Variants in PPIB observed in about 807,000 individuals in gnomAD.
PPIB encodes peptidylprolyl isomerase B.
A neutral mutation model predicts 20.1 loss-of-function variants in PPIB; 15 were observed. The observed-to-expected ratio is 0.75, with a 90% confidence interval of 0.50 to 1.15. PPIB has a LOEUF of 1.15. Ranked by LOEUF, PPIB falls within the 50% of genes most tolerant of loss-of-function variation. The probability of loss-of-function intolerance (pLI) is 0.00; values close to 1 mark genes in which losing one functional copy is unlikely to be tolerated. For missense variants in PPIB, 278 were observed against 283.0 expected, an observed-to-expected ratio of 0.98 and a Z score of 0.13; for synonymous variants, 129 against 111.0, an observed-to-expected ratio of 1.16 and a Z score of -1.02.
Position 64,156,194 on chromosome 15 carries a change from A to G in PPIB, c.529-49T>C, listed in dbSNP as rs1196816908. On this transcript the variant is annotated intron_variant, in intron 4 of 4. Coordinates refer to ENST00000300026, the MANE Select transcript of PPIB (RefSeq NM_000942.5). This position sits in a 1 kb window ranked among gnomAD's most constrained non-coding sequence, Gnocchi z 6.4. Reference sequence around the variant, plus strand: ...GAGGGCATGGTGGATCAGGAGGTCCACCGCTCAGGAGAAAGGCCCCAGCGT... The same window carrying G: ...GAGGGCATGGTGGATCAGGAGGTCCGCCGCTCAGGAGAAAGGCCCCAGCGT... The G allele has an allele frequency of 6.2e-7, 1 of 1,611,006 alleles. No homozygotes were observed. The highest frequency in any genetic ancestry group is 1.7e-5 in the Admixed American group (1 of 59,788).
intron 1 of PPIB, among the ~76,000 whole-genome samples, 160 bp downstream of exon 1, chr15:64,162,692 C>T (rs1464139305): frequency 7.0e-6 from 1 of 143,880 alleles, no homozygotes; most frequent in Non-Finnish European, 1.5e-5. Flanking sequence ...CTGGGGGTGT[C>T]GGGGTGGGTC....
rs998887449 is a variant in PPIB, at chr15:64,158,281, T to C, written c.344-1372A>G. 6.6e-6 allele frequency among the ~76,000 whole-genome samples: 1 copy of C among 152,122 alleles called. No individual in the cohort carries two copies. Among genetic ancestry groups the C allele is most frequent in the Non-Finnish European group, 1.5e-5 (1 of 68,014 alleles). Reference sequence around the variant, plus strand: ...AGTAGGCGAGTGCTTAGGGTGCTCATAGTGTGAGCCAGAGACTGTTCCAAG... The same window carrying C: ...AGTAGGCGAGTGCTTAGGGTGCTCACAGTGTGAGCCAGAGACTGTTCCAAG... On this transcript the variant is annotated intron_variant, in intron 3 of 4. Coordinates refer to ENST00000300026, the MANE Select transcript of PPIB (RefSeq NM_000942.5). This position sits in a 1 kb window ranked among gnomAD's most constrained non-coding sequence, Gnocchi z 4.7.
At position 64,161,910 on chromosome 15, in the gene PPIB, A is replaced by G; in HGVS notation, c.249+131T>C. ...TAAGAAAGGGCAATACTGTGTTCCCAGGGCAACAGGCAGTCGGTGCTCAGT... is the reference window on the plus strand; with the variant it reads ...TAAGAAAGGGCAATACTGTGTTCCCGGGGCAACAGGCAGTCGGTGCTCAGT... On this transcript the variant is annotated intron_variant, in intron 2 of 4. Transcript: ENST00000300026. The surrounding 1 kb of genome is among the most constrained non-coding windows in gnomAD (Gnocchi z 4.2). 1.3e-6 allele frequency: 1 copy of G among 778,018 alleles called. No individual in the cohort carries two copies. The highest frequency in any genetic ancestry group is 2.3e-6 in the Non-Finnish European group (1 of 426,246). 48.2% of individuals were successfully genotyped at this position (778,018 alleles called of 1,614,324 possible).
rs565513695 is a variant in PPIB, at chr15:64,161,817, C to T, written c.249+224G>A. On this transcript the variant is annotated intron_variant, in intron 2 of 4. Transcript: ENST00000300026. This position sits in a 1 kb window ranked among gnomAD's most constrained non-coding sequence, Gnocchi z 4.2. The stretch of plus-strand genomic sequence containing the variant: ...CTCCTGGGCTCAAGCAATCCTCCTA[C>T]TTTGGCCTCCAAAAGTGCTGGGATT... Among the ~76,000 whole-genome samples, 3 of 152,142 alleles carry T rather than the reference C, an allele frequency of 2.0e-5. No individual in the cohort carries two copies. The highest frequency in any genetic ancestry group is 7.2e-5 in the African/African-American group (3 of 41,428).
rs1407315040 is a variant in PPIB at position 64,158,991 on chromosome 15, A to C, written c.343+1113T>G. Reference sequence around the variant, plus strand: ...CTCACTGTACAGAACAGGAAACTGAAGCTCCAAGGACTCACTTGCCTGAGG... The same window carrying C: ...CTCACTGTACAGAACAGGAAACTGACGCTCCAAGGACTCACTTGCCTGAGG... On this transcript the variant is annotated intron_variant, in intron 3 of 4. Coordinates refer to ENST00000300026, the MANE Select transcript of PPIB (RefSeq NM_000942.5). This position sits in a 1 kb window ranked among gnomAD's most constrained non-coding sequence, Gnocchi z 4.7. Among the ~76,000 whole-genome samples the C allele has an allele frequency of 6.6e-6, 1 of 152,190 alleles. No homozygotes were observed. The highest frequency in any genetic ancestry group is 2.4e-5 in the African/African-American group (1 of 41,442).
At chr15:64,162,604 A>C (rs1300923480) in intron 1 of PPIB, among the ~76,000 whole-genome samples, 1 of 152,184 alleles carries the variant, frequency 6.6e-6, no homozygotes, top group Admixed American at 6.5e-5. Context: ...GTTTGCAAAA[A>C]GCCTGCTCTG....
rs898742897 is a variant in PPIB at position 64,157,924 on chromosome 15, C to A, written c.344-1015G>T. Among the ~76,000 whole-genome samples the A allele has an allele frequency of 1.3e-5, 2 of 152,142 alleles. No individual in the cohort carries two copies. Among genetic ancestry groups the A allele is most frequent in the Non-Finnish European group, 2.9e-5 (2 of 68,024 alleles). ...GCCTGTGCTCCACCTCTCACCCCCA[C>A]GCTGGGGAGACTGGACTCTGCCACA... On this transcript the variant is annotated intron_variant, in intron 3 of 4. Coordinates refer to ENST00000300026, the MANE Select transcript of PPIB (RefSeq NM_000942.5). The surrounding 1 kb of genome is among the most constrained non-coding windows in gnomAD (Gnocchi z 4.2).
In PPIB at chr15:64,158,123, A is replaced by AACAT. The variant is rs1179353512; in HGVS notation, c.344-1218_344-1215dup. 1.3e-5 allele frequency among the ~76,000 whole-genome samples: 2 copies of AACAT among 152,166 alleles called. No individual in the cohort carries two copies. The highest frequency in any genetic ancestry group is 2.9e-5 in the Non-Finnish European group (2 of 68,028). On this transcript the variant is annotated intron_variant, in intron 3 of 4. Transcript: ENST00000300026. The surrounding 1 kb of genome is among the most constrained non-coding windows in gnomAD (Gnocchi z 4.7). ...CAAATGGACATTTCTATTTAAACTC[A>AACAT]ACATACCTTGTCATCTTTCTCTCCA...
intron 1 of PPIB, 32 bp downstream of exon 1, chr15:64,162,820 C>A: frequency 6.2e-7 from 1 of 1,603,992 alleles, no homozygotes; most frequent in Non-Finnish European, 8.5e-7. Context: ...GCCCGAGCTC[C>A]GGCACCGTAA....
rs984369307 is a variant in PPIB, at chr15:64,161,679, C to T, written c.249+362G>A. 6.6e-6 allele frequency among the ~76,000 whole-genome samples: 1 copy of T among 151,532 alleles called. No homozygotes were observed. The highest frequency in any genetic ancestry group is 2.4e-5 in the African/African-American group (1 of 41,200). ...GGCGGAGGTTGCAGTGAGCTGAGGC[C>T]GCACCACTGCACTCCAGCCCAGGCG... On this transcript the variant is annotated intron_variant, in intron 2 of 4. Coordinates refer to ENST00000300026, the MANE Select transcript of PPIB (RefSeq NM_000942.5). This position sits in a 1 kb window ranked among gnomAD's most constrained non-coding sequence, Gnocchi z 4.2.
chr15:64,162,827 G>A (rs372892802), intron 1 of PPIB, 25 bp downstream of exon 1: 117 of 1,605,888 alleles, frequency 7.3e-5, no homozygotes, highest in Non-Finnish European at 9.4e-5. Flanking sequence ...CTCCGGCACC[G>A]TAAATGCCGC....
In PPIB at chr15:64,162,096, A is replaced by C; in HGVS notation, c.194T>G (p.Phe65Cys). Reference protein sequence around the residue: ...EDVGRVIFGLFGKTVPKTVDN... With the variant: ...EDVGRVIFGLCGKTVPKTVDN... The stretch of plus-strand genomic sequence containing the variant: ...CACTGTTTTTGGAACAGTCTTTCCG[A>C]AGAGACCAAAGATCACCCGGCCTAC... Residue 65 changes from phenylalanine to cysteine, a missense_variant, in exon 2 of 5, where the codon TTC becomes TGC. Phe to Cys is a radical substitution (Grantham distance 205). Coordinates refer to ENST00000300026, the MANE Select transcript of PPIB (RefSeq NM_000942.5). The C allele has an allele frequency of 6.2e-7, 1 of 1,614,174 alleles. No homozygotes were observed. Among genetic ancestry groups the C allele is most frequent in the East Asian group, 2.2e-5 (1 of 44,886 alleles).
In PPIB at chr15:64,155,820, T is replaced by TA. The variant is rs5813282; in HGVS notation, c.*202dup. 280,537 of 526,132 alleles carry TA rather than the reference T, an allele frequency of 0.53. 43,012 individuals are homozygous for TA. The highest frequency in any genetic ancestry group is 0.63 in the Admixed American group (18,705 of 29,726). The allele number at this position is 526,132 out of a possible 1,614,324, so 32.6% of individuals were successfully genotyped here. On this transcript the variant is annotated 3_prime_UTR_variant, in exon 5 of 5. Transcript: ENST00000300026. ...AGAACCAGGCCCACACATTATATAT[T>TA]AAAAAAAAAAAAACCCACATTTTTT...
rs2081543713 is a variant in PPIB at position 64,157,778 on chromosome 15, C to G, written c.344-869G>C. ...CATCCTGTGGTTCCACAGAATGGAACTGAGCTGGGAAACTGTCCTAGACAG... is the reference window on the plus strand; with the variant it reads ...CATCCTGTGGTTCCACAGAATGGAAGTGAGCTGGGAAACTGTCCTAGACAG... On this transcript the variant is annotated intron_variant, in intron 3 of 4. Coordinates refer to ENST00000300026, the MANE Select transcript of PPIB (RefSeq NM_000942.5). This position sits in a 1 kb window ranked among gnomAD's most constrained non-coding sequence, Gnocchi z 4.2. 6.6e-6 allele frequency among the ~76,000 whole-genome samples: 1 copy of G among 152,190 alleles called. No individual in the cohort carries two copies. Among genetic ancestry groups the G allele is most frequent in the African/African-American group, 2.4e-5 (1 of 41,444 alleles).
chr15:64,160,932 G>A lies in PPIB; in HGVS notation c.250-735C>T, dbSNP rs1246005303. On this transcript the variant is annotated intron_variant, in intron 2 of 4. Transcript: ENST00000300026. This position sits in a 1 kb window ranked among gnomAD's most constrained non-coding sequence, Gnocchi z 4.8. The stretch of plus-strand genomic sequence containing the variant: ...CCCAAAGTGCTGGGATTACAGGTGT[G>A]AGCCACCATGCCCAGCCTGTTTTTT... Among the ~76,000 whole-genome samples, 1 of 151,990 alleles carries A rather than the reference G, an allele frequency of 6.6e-6. No individual in the cohort carries two copies. The highest frequency in any genetic ancestry group is 1.5e-5 in the Non-Finnish European group (1 of 68,020).
chr15:64,162,980 G>A lies in PPIB; in HGVS notation c.7C>T (p.Arg3Cys). The stretch of plus-strand genomic sequence containing the variant: ...ACCTTCATGTTGCGTTCGGAGAGGC[G>A]CAGCATCCACAGGCGGAGGCGAAAG... The part of the protein sequence containing the change: ML[R>C]LSERNMKVLL... Residue 3 changes from arginine to cysteine, a missense_variant, in exon 1 of 5, where the codon CGC (arginine) becomes TGC (cysteine). By Grantham distance (180) the Arg-to-Cys change is radical. Transcript: ENST00000300026. 6.2e-7 allele frequency: 1 copy of A among 1,613,004 alleles called. No homozygotes were observed. The highest frequency in any genetic ancestry group is 1.3e-5 in the African/African-American group (1 of 75,022).
chr15:64,156,487 A>G lies in PPIB; in HGVS notation c.528+238T>C. 1.6e-6 allele frequency: 1 copy of G among 631,198 alleles called. No individual in the cohort carries two copies. 39.1% of individuals were successfully genotyped at this position (631,198 alleles called of 1,614,324 possible). ...GGACCAGCACGTCACTGAGTGAAGG[A>G]GGGGAGGGAGGCTCTGGCAGTTGTG... On this transcript the variant is annotated intron_variant, in intron 4 of 4. Transcript: ENST00000300026. The surrounding 1 kb of genome is among the most constrained non-coding windows in gnomAD (Gnocchi z 6.4).
rs2081549896 is a variant in PPIB at position 64,158,933 on chromosome 15, C to A, written c.343+1171G>T. On this transcript the variant is annotated intron_variant, in intron 3 of 4. Transcript: ENST00000300026. This position sits in a 1 kb window ranked among gnomAD's most constrained non-coding sequence, Gnocchi z 4.7. The stretch of plus-strand genomic sequence containing the variant: ...CAGGCACTTCACACTCCAGATCTAG[C>A]CCAATCCTCATGGCCCCACAACTCT... 6.6e-6 allele frequency among the ~76,000 whole-genome samples: 1 copy of A among 152,218 alleles called. No homozygotes were observed. The highest frequency in any genetic ancestry group is 2.1e-4 in the South Asian group (1 of 4,836).
At position 64,159,546 on chromosome 15, in the gene PPIB, G is replaced by A. The variant is rs543374075; in HGVS notation, c.343+558C>T. The stretch of plus-strand genomic sequence containing the variant: ...CTCCCAAGTAACTGGGATTATAGGC[G>A]CGTGCCACCACGCCCGGCTAATCTT... On this transcript the variant is annotated intron_variant, in intron 3 of 4. Coordinates refer to ENST00000300026, the MANE Select transcript of PPIB (RefSeq NM_000942.5). The surrounding 1 kb of genome is among the most constrained non-coding windows in gnomAD (Gnocchi z 5.1). The A allele has an allele frequency of 6.1e-5, 10 of 164,240 alleles. No individual in the cohort carries two copies. The highest frequency in any genetic ancestry group is 5.2e-4 in the East Asian group (3 of 5,758). The allele number at this position is 164,240 out of a possible 1,614,324, so 10.2% of individuals were successfully genotyped here.
Sources: allele counts gnomAD v4.1 joint callset (sites outside exome capture counted in the v4.1 genomes callset), GRCh38; gene constraint gnomAD v4.1.1; non-coding constraint Gnocchi (gnomAD v3.1); transcripts MANE v1.5; gene names NCBI Gene and HGNC (gene_info 2026-07-23, HGNC 2026-07-21).